RBMS2: variants seen among roughly 807,000 people sequenced by gnomAD.
RBMS2 encodes the protein RNA binding motif single stranded interacting protein 2, also known as RNA-binding motif, single-stranded-interacting protein 2.
A neutral mutation model predicts 58.4 loss-of-function variants in RBMS2; 38 were observed. That is an observed-to-expected ratio of 0.65 (90% CI 0.50 to 0.85). The LOEUF (loss-of-function observed/expected upper bound fraction) is 0.85, where lower values mean the gene tolerates loss of function less well. Among genes scored for constraint, RBMS2 ranks in the 40% least tolerant of loss-of-function variants. RBMS2 has a pLI of 0.00. For synonymous variants in RBMS2, 151 were observed against 180.7 expected (o/e 0.84, Z 1.32); for missense variants, 367 against 503.7 (o/e 0.73, Z 2.60).
intron 1 of RBMS2, among the ~76,000 whole-genome samples, chr12:56,558,842 C>T (rs924901251): frequency 4.0e-5 from 6 of 151,830 alleles, no homozygotes; most frequent in Non-Finnish European, 7.4e-5. Context: ...TTGAGGGATC[C>T]GCCTGCTTCA....
At chr12:56,574,033 G>C (rs1882764697) in intron 5 of RBMS2, among the ~76,000 whole-genome samples, 1 of 152,070 alleles carries the variant, frequency 6.6e-6, no homozygotes, top group African/African-American at 2.4e-5. Flanking sequence ...TAAAGATGTG[G>C]TTTCACCAGG....
chr12:56,568,936 G>GC (rs781424080), intron 2 of RBMS2, 39 bp from the exon 3 acceptor site: 4 of 1,520,282 alleles, frequency 2.6e-6, no homozygotes, highest in Non-Finnish European at 3.7e-6. Flanking sequence ...CTTAGTCTCT[G>GC]CCCCCCAGAT....
intron 9 of RBMS2, among the ~76,000 whole-genome samples, chr12:56,584,352 G>C (rs1429164888): frequency 1.3e-5 from 2 of 151,282 alleles, no homozygotes; most frequent in African/African-American, 4.9e-5. Context: ...AGAATTGCTT[G>C]AGCCCGGAGA....
At chr12:56,571,241 G>A (rs1052499500) in intron 4 of RBMS2, among the ~76,000 whole-genome samples, 21 of 152,164 alleles carry the variant, frequency 1.4e-4, no homozygotes, top group African/African-American at 5.1e-4. Context: ...CTCTCTCCCT[G>A]TTCCCTTCTC....
At chr12:56,563,744 G>T (rs948045206) in intron 2 of RBMS2, among the ~76,000 whole-genome samples, 1 of 151,940 alleles carries the variant, frequency 6.6e-6, no homozygotes, top group Non-Finnish European at 1.5e-5. Context: ...TCAAAACCAG[G>T]CTGGGCAACA....
At chr12:56,541,100 C>CAAAAA (rs376084138) in intron 1 of RBMS2, among the ~76,000 whole-genome samples, 7 of 125,100 alleles carry the variant, frequency 5.6e-5, no homozygotes, top group African/African-American at 8.9e-5. Context: ...GACCTTGACT[C>CAAAAA]AAAAAAAAAA....
chr12:56,562,299 G>A, intron 1 of RBMS2, 118 bp from the exon 2 acceptor site: 1 of 955,602 alleles, frequency 1.0e-6, no homozygotes. Flanking sequence ...GTCCAAGTGA[G>A]TGCACATTTG....
At chr12:56,531,925 A>G (rs1411506769) in intron 1 of RBMS2, among the ~76,000 whole-genome samples, 1 of 152,002 alleles carries the variant, frequency 6.6e-6, no homozygotes, top group East Asian at 1.9e-4. Flanking sequence ...TCTTATTTAA[A>G]AAAAACATTG....
chr12:56,583,518 G>A (rs1884258091), intron 9 of RBMS2, among the ~76,000 whole-genome samples: 1 of 152,138 alleles, frequency 6.6e-6, no homozygotes, highest in African/African-American at 2.4e-5. Flanking sequence ...GCTGGGCATG[G>A]TGGCGGGCGC....
At chr12:56,547,508 A>T (rs1051560006) in intron 1 of RBMS2, among the ~76,000 whole-genome samples, 1 of 152,052 alleles carries the variant, frequency 6.6e-6, no homozygotes, top group Non-Finnish European at 1.5e-5. Flanking sequence ...GTCTCTATTT[A>T]AAAAAATAAT....
In RBMS2 at chr12:56,592,277, T is replaced by G. The variant is rs188529292; in HGVS notation, c.*3144T>G. 24 of 152,318 alleles carry G rather than the reference T, an allele frequency of 1.6e-4. No individual in the cohort carries two copies. In the East Asian group the frequency reaches 3.9e-3, roughly 25 times the overall value. 9.4% of individuals were successfully genotyped at this position (152,318 alleles called of 1,614,324 possible). A position where few individuals can be genotyped will look rare whatever the true frequency, so the allele number is the denominator to read the frequency against. On this transcript the variant is annotated 3_prime_UTR_variant, in exon 14 of 14. Coordinates refer to ENST00000262031, the MANE Select transcript of RBMS2 (RefSeq NM_002898.4). Reference sequence around the variant, plus strand: ...TGCTCATAACATTCTTAAAATATTTTAGTACTTGGCATTTTTCTGTTTTCA... The same window carrying G: ...TGCTCATAACATTCTTAAAATATTTGAGTACTTGGCATTTTTCTGTTTTCA...
Position 56,588,313 on chromosome 12 carries a change from C to G in RBMS2, c.1082C>G (p.Ala361Gly). 1 of 1,613,848 alleles carries G rather than the reference C, an allele frequency of 6.2e-7. No homozygotes were observed. Among genetic ancestry groups the G allele is most frequent in the Non-Finnish European group, 8.5e-7 (1 of 1,179,802 alleles). ...TTCTAGTATATGCCGACGGCTGCAG[C>G]TATGCAAGGAGCTTACATCTCCCAG... The part of the protein sequence containing the change: ...STGTYMPTAA[A>G]MQGAYISQYT... Residue 361 changes from alanine to glycine, a missense_variant, in exon 12 of 14, where the codon GCT (alanine) becomes GGT (glycine). Coordinates refer to ENST00000262031, the MANE Select transcript of RBMS2 (RefSeq NM_002898.4).
intron 1 of RBMS2, among the ~76,000 whole-genome samples, chr12:56,533,193 TG>T (rs1354157827): frequency 6.6e-6 from 1 of 151,986 alleles, no homozygotes; most frequent in East Asian, 1.9e-4. Context: ...CTGGAACTCC[TG>T]GGCTCCTGTG....
intron 1 of RBMS2, among the ~76,000 whole-genome samples, chr12:56,559,617 C>T (rs1175225665): frequency 6.7e-6 from 1 of 150,022 alleles, no homozygotes; most frequent in African/African-American, 2.4e-5. Flanking sequence ...TTTGGGAGGC[C>T]AAGACGGGCG....
intron 10 of RBMS2, 113 bp from the exon 11 acceptor site, chr12:56,587,441 T>C: frequency 8.7e-7 from 1 of 1,154,372 alleles, no homozygotes; most frequent in Non-Finnish European, 1.2e-6. Flanking sequence ...TCACTTACCA[T>C]TTCCCAGGAT....
chr12:56,587,773 C>A, intron 11 of RBMS2, 109 bp downstream of exon 11: 1 of 1,385,646 alleles, frequency 7.2e-7, no homozygotes, highest in Non-Finnish European at 9.7e-7. Context: ...ACTTCAGTGT[C>A]ATCCGGGGCA....
chr12:56,534,962 A>G (rs140375783), intron 1 of RBMS2, among the ~76,000 whole-genome samples: 1 of 152,260 alleles, frequency 6.6e-6, no homozygotes, highest in African/African-American at 2.4e-5. Flanking sequence ...TTATTTCTTA[A>G]CTTTCATCTT....
rs561728964 is a variant in RBMS2, at chr12:56,594,148, C to G, written c.*5015C>G. 68 of 152,356 alleles carry G rather than the reference C, an allele frequency of 4.5e-4. 1 individual carries two copies. Among genetic ancestry groups the G allele is most frequent in the Non-Finnish European group, 1.0e-4 (7 of 68,048 alleles). 9.4% of individuals were successfully genotyped at this position (152,356 alleles called of 1,614,324 possible). The stretch of plus-strand genomic sequence containing the variant: ...ACCCATTGGGAGTTGAGGCCTGTCA[C>G]TCCAATGTCAACCCGTGGGCTGTTA... On this transcript the variant is annotated 3_prime_UTR_variant, in exon 14 of 14. Transcript: ENST00000262031.
At chr12:56,541,219 G>A (rs966861584) in intron 1 of RBMS2, among the ~76,000 whole-genome samples, 4 of 151,952 alleles carry the variant, frequency 2.6e-5, no homozygotes, top group African/African-American at 9.7e-5. Flanking sequence ...AAAAAATTGA[G>A]TAAACATTGA....
Sources: allele counts gnomAD v4.1 joint callset (sites outside exome capture counted in the v4.1 genomes callset), GRCh38; gene constraint gnomAD v4.1.1; transcripts MANE v1.5; gene names NCBI Gene and HGNC (gene_info 2026-07-23, HGNC 2026-07-21).